Variants in RASEF observed in about 807,000 individuals in gnomAD.
The protein encoded by RASEF is ras and EF-hand domain-containing protein.
Under a neutral mutation model 90.1 loss-of-function variants are expected in RASEF, and 68 were observed. The ratio of observed to expected loss-of-function variants is 0.75; its 90% CI spans 0.62 to 0.92. The LOEUF is 0.92. Among genes scored for constraint, RASEF ranks in the 40% least tolerant of loss-of-function variants. The pLI is 0.00. For synonymous variants in RASEF, 331 were observed against 345.2 expected (o/e 0.96, Z 0.46); for missense variants, 949 against 937.2 (o/e 1.01, Z -0.16).
At chr9:83,162,799 A>T in the RASEF span, among the ~76,000 whole-genome samples, 1 of 152,214 alleles carries the variant, frequency 6.6e-6, no homozygotes, top group South Asian at 2.1e-4. Context: ...CTGAACTGTA[A>T]TTGGCAAATT....
the RASEF span, among the ~76,000 whole-genome samples, chr9:83,161,848 T>C: frequency 3.3e-5 from 5 of 152,176 alleles, no homozygotes; most frequent in South Asian, 2.1e-4. Flanking sequence ...GGAGATCTGA[T>C]AGTTTTAAAA....
At chr9:83,211,544 C>T in the RASEF span, among the ~76,000 whole-genome samples, 2 of 152,078 alleles carry the variant, frequency 1.3e-5, no homozygotes, top group Non-Finnish European at 2.9e-5. Flanking sequence ...CTAGGCTGGC[C>T]CCAATCAATA....
intron 1 of RASEF, among the ~76,000 whole-genome samples, chr9:83,047,955 A>C (rs1354035206): frequency 6.6e-6 from 1 of 152,232 alleles, no homozygotes; most frequent in Non-Finnish European, 1.5e-5. Context: ...GGAAATTTGC[A>C]CTTAAAACCC....
At chr9:83,003,344 C>T (rs1829073190) in intron 9 of RASEF, among the ~76,000 whole-genome samples, 1 of 152,086 alleles carries the variant, frequency 6.6e-6, no homozygotes, top group Non-Finnish European at 1.5e-5. Flanking sequence ...GACTTTGTCC[C>T]CTAGAATCTT....
chr9:83,097,354 A>G, the RASEF span, among the ~76,000 whole-genome samples: 1 of 152,204 alleles, frequency 6.6e-6, no homozygotes, highest in African/African-American at 2.4e-5. Flanking sequence ...CAAGGACTTC[A>G]TGTCTAAAAC....
intron 7 of RASEF, among the ~76,000 whole-genome samples, chr9:83,006,131 T>G (rs1829126312): frequency 6.6e-6 from 1 of 152,238 alleles, no homozygotes; most frequent in Non-Finnish European, 1.5e-5. Context: ...TTCCCCAGCT[T>G]AAGGCTGGTT....
chr9:82,999,082 T>G lies in RASEF; in HGVS notation c.1724-636A>C, dbSNP rs142762652. Among the ~76,000 whole-genome samples, 1,033 of 109,466 alleles carry G rather than the reference T, an allele frequency of 9.4e-3. 16 individuals carry two copies. Among genetic ancestry groups the G allele is most frequent in the African/African-American group, 0.037 (969 of 26,320 alleles). 71.8% of individuals were successfully genotyped at this position (109,466 alleles called of 152,430 possible). A position where few individuals can be genotyped will look rare whatever the true frequency, so the allele number is the denominator to read the frequency against. ...AAGAGTGTATCAGAGAACCATAAAT[T>G]TACAAAGACACTCATGTGAAGAGGA... is the stretch of plus-strand genomic sequence containing the variant. On this transcript the variant is annotated intron_variant, in intron 12 of 16. Coordinates refer to ENST00000376447, the MANE Select transcript of RASEF (RefSeq NM_152573.4).
At chr9:83,009,841 C>A in intron 5 of RASEF, 85 bp from the exon 6 acceptor site, 1 of 745,272 alleles carries the variant, frequency 1.3e-6, no homozygotes, top group South Asian at 1.5e-5. Flanking sequence ...GTCACCCTCC[C>A]ACACCACTCT....
chr9:83,089,018 C>G, the RASEF span, among the ~76,000 whole-genome samples: 7 of 152,028 alleles, frequency 4.6e-5, no homozygotes, highest in Admixed American at 1.3e-4. Context: ...ATCTTCTGTG[C>G]TAGATATTTT....
Position 83,022,466 on chromosome 9 carries a change from T to C in RASEF, c.579-40A>G, listed in dbSNP as rs1374193092. ...GATGCACACCTTTTCATTATACTCT[T>C]GAACTTGAAACATGAAGAGAAACTT... is the stretch of plus-strand genomic sequence containing the variant. On this transcript the variant is annotated intron_variant, in intron 2 of 16. Transcript: ENST00000376447. 10 of 1,440,534 alleles carry C rather than the reference T, an allele frequency of 6.9e-6. No homozygotes were observed. In the Middle Eastern group the frequency reaches 6.9e-4, roughly 100 times the overall value. 89.2% of individuals were successfully genotyped at this position (1,440,534 alleles called of 1,614,324 possible).
the RASEF span, among the ~76,000 whole-genome samples, chr9:83,207,598 C>CTT: frequency 0.025 from 2,098 of 85,342 alleles, 25 homozygotes; most frequent in African/African-American, 0.036. Flanking sequence ...AGGAGGGCTG[C>CTT]TTTTTTTTTT....
chr9:83,145,486 C>A, the RASEF span, among the ~76,000 whole-genome samples: 1 of 152,058 alleles, frequency 6.6e-6, no homozygotes, highest in African/African-American at 2.4e-5. Flanking sequence ...CCCAGTAGGG[C>A]CCTAAAATTT....
At chr9:83,125,243 G>A in the RASEF span, among the ~76,000 whole-genome samples, 5 of 152,140 alleles carry the variant, frequency 3.3e-5, no homozygotes, top group Non-Finnish European at 7.4e-5. Flanking sequence ...TACAGAAACA[G>A]TGGACAAGGA....
rs184288301 is a variant in RASEF at position 83,059,790 on chromosome 9, A to G, written c.431+2647T>C. Among the ~76,000 whole-genome samples, 245 of 152,244 alleles carry G rather than the reference A, an allele frequency of 1.6e-3. 1 individual carries two copies. Among genetic ancestry groups the G allele is most frequent in the African/African-American group, 5.7e-3 (236 of 41,540 alleles). On this transcript the variant is annotated intron_variant, in intron 1 of 16. Coordinates refer to ENST00000376447, the MANE Select transcript of RASEF (RefSeq NM_152573.4). The stretch of plus-strand genomic sequence containing the variant: ...CCCATCCTGACCTTGCAGACCCTTC[A>G]TATCTGCCAGGCTCAGCTTACCCGG...
At chr9:83,078,399 G>C in the RASEF span, among the ~76,000 whole-genome samples, 1 of 152,270 alleles carries the variant, frequency 6.6e-6, no homozygotes, top group African/African-American at 2.4e-5. Context: ...GGGCACAGTG[G>C]CTCAAGCCCA....
the RASEF span, among the ~76,000 whole-genome samples, chr9:83,175,666 C>T: frequency 1.3e-5 from 2 of 151,896 alleles, no homozygotes; most frequent in African/African-American, 4.8e-5. Flanking sequence ...CTGCAAGCTC[C>T]ACCTTCTGGG....
chr9:83,166,692 C>G, the RASEF span, among the ~76,000 whole-genome samples: 1 of 152,100 alleles, frequency 6.6e-6, no homozygotes, highest in African/African-American at 2.4e-5. Context: ...GGTCACCTGA[C>G]AGACTGACAG....
At chr9:83,167,142 G>C in the RASEF span, among the ~76,000 whole-genome samples, 7 of 151,782 alleles carry the variant, frequency 4.6e-5, no homozygotes, top group South Asian at 8.3e-4. Flanking sequence ...TAATATACTT[G>C]AAAGGCTTAG....
In RASEF at chr9:83,000,162, G is replaced by T; in HGVS notation, c.1723+7C>A. The stretch of plus-strand genomic sequence containing the variant: ...TTTCCCATTATCAACCGAAATACGA[G>T]CCATACCCAGGGTGGCGCTTATATT... On this transcript the variant is annotated splice_region_variant and intron_variant, in intron 12 of 16. Coordinates refer to ENST00000376447, the MANE Select transcript of RASEF (RefSeq NM_152573.4). The T allele has an allele frequency of 6.2e-7, 1 of 1,611,498 alleles. No homozygotes were observed. The highest frequency in any genetic ancestry group is 8.5e-7 in the Non-Finnish European group (1 of 1,179,146).
Sources: gnomAD v4.1 joint callset for allele counts (sites outside exome capture counted in the v4.1 genomes callset) on GRCh38, gnomAD v4.1.1 for gene constraint, MANE v1.5 for transcripts, NCBI Gene and HGNC (gene_info 2026-07-23, HGNC 2026-07-21) for gene names.